The following IMMP2L variants were observed in gnomAD, a reference collection of about 807,000 sequenced individuals.
The protein encoded by IMMP2L is mitochondrial inner membrane protease subunit 2.
In IMMP2L, 18 loss-of-function variants were observed where a neutral mutation model predicts 19.3. That is an observed-to-expected ratio of 0.93 (90% confidence interval 0.64 to 1.38). The LOEUF (loss-of-function observed/expected upper bound fraction) is 1.38, where lower values mean the gene tolerates loss of function less well. Among genes scored for constraint, IMMP2L ranks in the 40% most tolerant of loss-of-function variants. The pLI, the probability that IMMP2L is intolerant of heterozygous loss-of-function variation, is 0.00. For synonymous variants in IMMP2L, 76 were observed against 73.0 expected (o/e 1.04, Z -0.21); for missense variants, 233 against 218.2 (o/e 1.07, Z -0.43).
At chr7:111,018,982 T>C (rs1826004757) in intron 3 of IMMP2L, among the ~76,000 whole-genome samples, 2 of 152,176 alleles carry the variant, frequency 1.3e-5, no homozygotes, top group East Asian at 3.9e-4. Context: ...TTAGTGAACA[T>C]ATTCAAGCTA....
chr7:110,920,744 C>T (rs1814182901), intron 4 of IMMP2L, among the ~76,000 whole-genome samples: 1 of 152,146 alleles, frequency 6.6e-6, no homozygotes, highest in Non-Finnish European at 1.5e-5. Context: ...TTTATTCATA[C>T]TACTTCTTTG....
At chr7:110,952,804 T>C (rs1304033013) in intron 4 of IMMP2L, among the ~76,000 whole-genome samples, 1 of 152,160 alleles carries the variant, frequency 6.6e-6, no homozygotes, top group African/African-American at 2.4e-5. Context: ...ATGATGGTTC[T>C]AATATTTCAT....
intron 3 of IMMP2L, among the ~76,000 whole-genome samples, chr7:110,989,904 G>C (rs1043316246): frequency 1.3e-5 from 2 of 151,716 alleles, no homozygotes; most frequent in Non-Finnish European, 2.9e-5. Context: ...TTTCAATAAA[G>C]AAAAAAATTC....
chr7:111,022,756 T>A (rs566115202), intron 3 of IMMP2L, among the ~76,000 whole-genome samples: 26 of 152,294 alleles, frequency 1.7e-4, no homozygotes, highest in African/African-American at 6.0e-4. Flanking sequence ...TAACATCCAA[T>A]TGCTCCGTCA....
intron 3 of IMMP2L, among the ~76,000 whole-genome samples, chr7:111,322,874 T>G (rs2068268022): frequency 6.6e-6 from 1 of 151,782 alleles, no homozygotes; most frequent in African/African-American, 2.4e-5. Flanking sequence ...CATCTATATT[T>G]TATATCAAAG....
Position 111,334,241 on chromosome 7 carries a change from T to C in IMMP2L, c.239+152997A>G, listed in dbSNP as rs1584678190. Among the ~76,000 whole-genome samples, 2 of 151,956 alleles carry C rather than the reference T, an allele frequency of 1.3e-5. 1 individual carries two copies. Among genetic ancestry groups the C allele is most frequent in the African/African-American group, 4.8e-5 (2 of 41,388 alleles). Reference sequence around the variant, plus strand: ...CTCCCCTCTTCCACTTCCCAGCCTCTGGTAACTACAAATCTACTCTCTGTG... The same window carrying C: ...CTCCCCTCTTCCACTTCCCAGCCTCCGGTAACTACAAATCTACTCTCTGTG... On this transcript the variant is annotated intron_variant, in intron 3 of 5. Transcript: ENST00000405709.
intron 3 of IMMP2L, among the ~76,000 whole-genome samples, chr7:111,325,575 T>G (rs865915363): frequency 1.4e-4 from 22 of 151,782 alleles, no homozygotes; most frequent in African/African-American, 5.3e-4. Flanking sequence ...GGAGTTTAGG[T>G]TTTTTTAGTG....
chr7:110,806,755 C>CT (rs1013297679), intron 5 of IMMP2L, among the ~76,000 whole-genome samples: 4 of 151,902 alleles, frequency 2.6e-5, no homozygotes, highest in African/African-American at 9.7e-5. Context: ...TAAATGCTTT[C>CT]TTTTTTTAAA....
At chr7:110,837,822 C>T (rs563349860) in intron 5 of IMMP2L, among the ~76,000 whole-genome samples, 71 of 152,244 alleles carry the variant, frequency 4.7e-4, no homozygotes, top group Middle Eastern at 3.4e-3. Context: ...TGCTTTCCTT[C>T]CTAACCGGGA....
At chr7:110,911,077 T>G (rs574235245) in intron 4 of IMMP2L, among the ~76,000 whole-genome samples, 2 of 152,302 alleles carry the variant, frequency 1.3e-5, no homozygotes, top group Admixed American at 6.5e-5. Context: ...CATATATGTA[T>G]GTATATAAAT....
At chr7:111,502,534 C>T (rs556108808) in intron 2 of IMMP2L, among the ~76,000 whole-genome samples, 1 of 152,212 alleles carries the variant, frequency 6.6e-6, no homozygotes, top group African/African-American at 2.4e-5. Flanking sequence ...TTCAGCACCA[C>T]ACCACACCTA....
chr7:110,730,258 C>T (rs996286412), intron 5 of IMMP2L, among the ~76,000 whole-genome samples: 1 of 152,104 alleles, frequency 6.6e-6, no homozygotes, highest in Non-Finnish European at 1.5e-5. Flanking sequence ...TGGGCACCAG[C>T]TAATCAGCTG....
intron 3 of IMMP2L, among the ~76,000 whole-genome samples, chr7:111,469,854 A>C (rs1841055331): frequency 6.6e-6 from 1 of 152,144 alleles, no homozygotes; most frequent in African/African-American, 2.4e-5. Flanking sequence ...CAATGGCAAC[A>C]AAAGCCAAAA....
At chr7:110,878,083 C>T (rs571653067) in intron 5 of IMMP2L, among the ~76,000 whole-genome samples, 1 of 151,870 alleles carries the variant, frequency 6.6e-6, no homozygotes, top group South Asian at 2.1e-4. Flanking sequence ...TTCTTGTACA[C>T]TCAGTATCAT....
intron 3 of IMMP2L, among the ~76,000 whole-genome samples, chr7:111,122,096 T>C (rs1227670838): frequency 1.4e-5 from 2 of 139,308 alleles, no homozygotes; most frequent in Admixed American, 7.1e-5. Context: ...GGGGGAGGGA[T>C]AGCATTAGGA....
chr7:111,084,443 T>C (rs1292412146), intron 3 of IMMP2L, among the ~76,000 whole-genome samples: 1 of 151,534 alleles, frequency 6.6e-6, no homozygotes, highest in Non-Finnish European at 1.5e-5. Flanking sequence ...GAGGGAAGGA[T>C]TGATAGGTAG....
intron 5 of IMMP2L, among the ~76,000 whole-genome samples, chr7:110,738,988 G>A (rs973312415): frequency 6.6e-6 from 1 of 152,178 alleles, no homozygotes; most frequent in African/African-American, 2.4e-5. Context: ...AGGAAAGATA[G>A]TCTTTTCCAG....
At chr7:111,348,691 T>C (rs773741922) in intron 3 of IMMP2L, among the ~76,000 whole-genome samples, 2 of 152,174 alleles carry the variant, frequency 1.3e-5, no homozygotes, top group Non-Finnish European at 2.9e-5. Flanking sequence ...GTATCATTTA[T>C]AGAACTAGAC....
intron 3 of IMMP2L, among the ~76,000 whole-genome samples, chr7:111,157,603 G>T (rs1329699502): frequency 1.3e-5 from 2 of 152,074 alleles, no homozygotes; most frequent in African/African-American, 4.8e-5. Context: ...AGTGGGGATG[G>T]TTGGTTAATG....
Sources: gnomAD v4.1 joint callset for allele counts (sites outside exome capture counted in the v4.1 genomes callset) on GRCh38, gnomAD v4.1.1 for gene constraint, MANE v1.5 for transcripts, NCBI Gene and HGNC (gene_info 2026-07-23, HGNC 2026-07-21) for gene names.